Variants in CHMP2B observed in about 807,000 individuals in gnomAD.
CHMP2B encodes charged multivesicular body protein 2B.
Under a neutral mutation model 29.8 loss-of-function variants are expected in CHMP2B, and 22 were observed. The ratio of observed to expected loss-of-function variants is 0.74; its 90% CI spans 0.53 to 1.05. CHMP2B has a LOEUF of 1.05. CHMP2B is among the 50% of genes least tolerant of loss of function. The probability of loss-of-function intolerance (pLI) is 0.00; values close to 1 mark genes in which losing one functional copy is unlikely to be tolerated. For missense variants in CHMP2B, 261 were observed against 252.2 expected (o/e 1.03, Z -0.24); for synonymous variants, 78 against 75.8 (o/e 1.03, Z -0.15).
At chr3:87,253,261 A>G (rs2106916708) in intron 4 of CHMP2B, 143 bp from the exon 5 acceptor site, 1 of 657,232 alleles carries the variant, frequency 1.5e-6, no homozygotes, top group East Asian at 2.8e-5. Context: ...TACTTCACTG[A>G]CATTTTGAAG....
chr3:87,249,850 A>G (rs751892066), intron 3 of CHMP2B, 25 bp from the exon 4 acceptor site: 3 of 1,414,224 alleles, frequency 2.1e-6, no homozygotes, highest in South Asian at 1.2e-5. Context: ...TGGAAGTAAC[A>G]TGAATCTTGT....
At chr3:87,231,598 T>A (rs981950905) in intron 1 of CHMP2B, among the ~76,000 whole-genome samples, 4 of 152,166 alleles carry the variant, frequency 2.6e-5, no homozygotes, top group Non-Finnish European at 5.9e-5. Flanking sequence ...GGATCCACTG[T>A]GAGTGTTTTA....
chr3:87,228,245 G>A (rs1195993402), intron 1 of CHMP2B, among the ~76,000 whole-genome samples: 2 of 152,166 alleles, frequency 1.3e-5, no homozygotes, highest in Non-Finnish European at 2.9e-5. Flanking sequence ...CCCGCATTTA[G>A]CTTAATATCA....
At chr3:87,251,954 G>A (rs548351783) in intron 4 of CHMP2B, among the ~76,000 whole-genome samples, 48 of 151,286 alleles carry the variant, frequency 3.2e-4, no homozygotes, top group African/African-American at 1.1e-3. Flanking sequence ...GTAACATACC[G>A]CGAAATTATT....
Position 87,254,041 on chromosome 3 carries a change from T to C in CHMP2B, c.*219T>C, listed in dbSNP as rs1706360393. 2 of 460,356 alleles carry C rather than the reference T, an allele frequency of 4.3e-6. No individual in the cohort carries two copies. Among genetic ancestry groups the C allele is most frequent in the East Asian group, 4.2e-5 (1 of 23,898 alleles). The allele number at this position is 460,356 out of a possible 1,614,324, so 28.5% of individuals were successfully genotyped here. ...AGTTTGGATTTTAATTAGAACTGTT[T>C]AGGAGTGATGATGTGTAAAAAGTTG... is the stretch of plus-strand genomic sequence containing the variant. On this transcript the variant is annotated 3_prime_UTR_variant, in exon 6 of 6. Transcript: ENST00000263780.
intron 1 of CHMP2B, among the ~76,000 whole-genome samples, chr3:87,230,972 C>A (rs574721285): frequency 6.6e-6 from 1 of 152,124 alleles, no homozygotes; most frequent in East Asian, 1.9e-4. Flanking sequence ...CCTCTGACCA[C>A]TCCTTTCTTT....
chr3:87,247,573 G>T (rs1418578991), intron 3 of CHMP2B, among the ~76,000 whole-genome samples: 1 of 152,172 alleles, frequency 6.6e-6, no homozygotes, highest in African/African-American at 2.4e-5. Context: ...TGCATGTTGG[G>T]TGACTCACAT....
chr3:87,232,721 T>G (rs946082159), intron 1 of CHMP2B, among the ~76,000 whole-genome samples: 3 of 152,198 alleles, frequency 2.0e-5, no homozygotes, highest in Non-Finnish European at 4.4e-5. Flanking sequence ...TGTGAGGCTT[T>G]TCTTCCAGGA....
chr3:87,254,435 A>C lies in CHMP2B; in HGVS notation c.*613A>C, dbSNP rs181525689. The C allele has an allele frequency of 3.5e-4, 54 of 153,006 alleles. No individual in the cohort carries two copies. Among genetic ancestry groups the C allele is most frequent in the African/African-American group, 1.2e-3 (49 of 41,580 alleles). The allele number at this position is 153,006 out of a possible 1,614,324, so 9.5% of individuals were successfully genotyped here. On this transcript the variant is annotated 3_prime_UTR_variant, in exon 6 of 6. Transcript: ENST00000263780. ...GCTTGACACCTGCCTTAAATAGCAC[A>C]GACCTATTGTGCACATCTTTAAATT...
chr3:87,240,306 G>A (rs1489387505), intron 1 of CHMP2B: 4 of 135,326 alleles, frequency 3.0e-5, no homozygotes, highest in Middle Eastern at 3.8e-3. Flanking sequence ...GTTTTTTTTT[G>A]TTTTTTTTTT....
intron 3 of CHMP2B, among the ~76,000 whole-genome samples, chr3:87,248,894 A>G (rs1331848976): frequency 2.0e-5 from 3 of 152,190 alleles, no homozygotes; most frequent in East Asian, 1.9e-4. Context: ...TTCTTTTAAT[A>G]TACTGAATTA....
At chr3:87,234,049 A>G (rs1334254295) in intron 1 of CHMP2B, among the ~76,000 whole-genome samples, 1 of 152,272 alleles carries the variant, frequency 6.6e-6, no homozygotes, top group East Asian at 1.9e-4. Flanking sequence ...AACTTGAGAT[A>G]GCTCCCCACC....
chr3:87,252,117 T>C (rs1225118240), intron 4 of CHMP2B, among the ~76,000 whole-genome samples: 1 of 151,958 alleles, frequency 6.6e-6, no homozygotes, highest in African/African-American at 2.4e-5. Context: ...GATGACTGAC[T>C]ACCTTATGTG....
chr3:87,249,565 C>T (rs1349992886), intron 3 of CHMP2B, among the ~76,000 whole-genome samples: 1 of 148,068 alleles, frequency 6.8e-6, no homozygotes, highest in Non-Finnish European at 1.5e-5. Context: ...GCCACAAAAA[C>T]AGGTAAATTT....
At chr3:87,231,243 A>G (rs1705905416) in intron 1 of CHMP2B, among the ~76,000 whole-genome samples, 1 of 152,166 alleles carries the variant, frequency 6.6e-6, no homozygotes, top group Admixed American at 6.5e-5. Flanking sequence ...CTCAAACTCA[A>G]GACCCCAAAC....
intron 1 of CHMP2B, among the ~76,000 whole-genome samples, chr3:87,228,315 C>T (rs558477685): frequency 9.2e-5 from 14 of 152,252 alleles, no homozygotes; most frequent in Non-Finnish European, 1.9e-4. Flanking sequence ...TGCTCATATG[C>T]GATGCCTATA....
chr3:87,242,926 G>C (rs550847836), intron 2 of CHMP2B, among the ~76,000 whole-genome samples: 4 of 152,090 alleles, frequency 2.6e-5, no homozygotes, highest in Admixed American at 2.6e-4. Flanking sequence ...TAGGTGCTTT[G>C]CATTTCTATA....
chr3:87,249,253 T>G (rs1197960609), intron 3 of CHMP2B, among the ~76,000 whole-genome samples: 1 of 152,282 alleles, frequency 6.6e-6, no homozygotes, highest in Middle Eastern at 3.4e-3. Context: ...CTGTCGTATA[T>G]GCTGTGGGTA....
intron 3 of CHMP2B, 146 bp downstream of exon 3, chr3:87,246,054 G>C (rs1706207039): frequency 1.6e-6 from 1 of 632,674 alleles, no homozygotes. Flanking sequence ...TATAATACTA[G>C]ATAATCCAGG....
Sources: allele counts gnomAD v4.1 joint callset (sites outside exome capture counted in the v4.1 genomes callset), GRCh38; gene constraint gnomAD v4.1.1; transcripts MANE v1.5; gene names NCBI Gene and HGNC (gene_info 2026-07-23, HGNC 2026-07-21).